SFI1: variants seen among roughly 807,000 people sequenced by gnomAD.
SFI1 encodes the protein SFI1 centrin binding protein.
A neutral mutation model predicts 207.5 loss-of-function variants in SFI1; 195 were observed. The observed-to-expected ratio is 0.94, with a 90% CI of 0.84 to 1.06. SFI1 has a LOEUF of 1.06. Ranked by LOEUF, SFI1 falls within the 50% of genes least tolerant of loss-of-function variation. The pLI is 0.00. For synonymous variants in SFI1, 630 were observed against 598.9 expected (o/e 1.05, Z -0.76); for missense variants, 1,634 against 1,588.0 (o/e 1.03, Z -0.49).
chr22:31,613,433 A>C lies in SFI1; in HGVS notation c.2645A>C (p.Gln882Pro). ...CTGCAGTGGGCGCTCCAGGCCTACCAGGGGCAGCTCCTCCAGGAGGGTGCC... is the reference window on the plus strand; with the variant it reads ...CTGCAGTGGGCGCTCCAGGCCTACCCGGGGCAGCTCCTCCAGGAGGGTGCC... ...ARLQWALQAY[Q>P]GQLLQEGATR... The change falls in exon 26 of 33, where the codon CAG becomes CCG. Residue 882 changes from glutamine to proline, a missense_variant. Coordinates refer to ENST00000400288, the MANE Select transcript of SFI1 (RefSeq NM_001007467.3). 1 of 1,609,350 alleles carries C rather than the reference A, an allele frequency of 6.2e-7. No individual in the cohort carries two copies. The highest frequency in any genetic ancestry group is 1.1e-5 in the South Asian group (1 of 91,054).
intron 15 of SFI1, 21 bp downstream of exon 15, chr22:31,589,598 C>A: frequency 1.9e-6 from 3 of 1,602,872 alleles, no homozygotes; most frequent in Non-Finnish European, 2.6e-6. Flanking sequence ...CAGCTCCTGT[C>A]TGCACTGGGG....
chr22:31,590,986 T>G (rs1198013387), intron 15 of SFI1, among the ~76,000 whole-genome samples: 26 of 151,146 alleles, frequency 1.7e-4, no homozygotes, highest in African/African-American at 6.1e-4. Context: ...TTTATTTTTT[T>G]ATTGATAATT....
rs546870053 is a variant in SFI1, at chr22:31,614,101, C to T, written c.2996+246C>T. On this transcript the variant is annotated intron_variant, in intron 27 of 32. Transcript: ENST00000400288. ...CCAAAGCTCAGGAAATAGGTGTCCC[C>T]TCCTCTGCAACACCTTCCTACCCTC... The T allele has an allele frequency of 2.3e-5, 12 of 522,640 alleles. No homozygotes were observed. The South Asian group carries it at 3.8e-4, about 17-fold the overall frequency. 32.4% of individuals were successfully genotyped at this position (522,640 alleles called of 1,614,324 possible).
chr22:31,502,593 T>C (rs1045746794), intron 1 of SFI1, among the ~76,000 whole-genome samples: 2 of 152,000 alleles, frequency 1.3e-5, no homozygotes, highest in African/African-American at 2.4e-5. Flanking sequence ...AGGCTGGTCT[T>C]GAACTCCTGA....
chr22:31,617,888 C>T (rs1445498551), intron 31 of SFI1, among the ~76,000 whole-genome samples: 2 of 152,102 alleles, frequency 1.3e-5, no homozygotes, highest in Non-Finnish European at 1.5e-5. Flanking sequence ...CTTGCCCAGG[C>T]CCACCTGAGT....
chr22:31,603,846 C>T (rs764237079), intron 18 of SFI1, 27 bp downstream of exon 18: 5 of 1,571,044 alleles, frequency 3.2e-6, no homozygotes, highest in South Asian at 2.4e-5. Flanking sequence ...AGGTGCCACC[C>T]GTGTATGACT....
chr22:31,594,705 A>C (rs1411398888), intron 15 of SFI1, among the ~76,000 whole-genome samples: 1 of 151,078 alleles, frequency 6.6e-6, no homozygotes, highest in African/African-American at 2.4e-5. Flanking sequence ...AATACAAAAA[A>C]TTAGCCGGGC....
chr22:31,606,206 A>G (rs1184422732), intron 20 of SFI1, 122 bp from the exon 21 acceptor site: 1 of 813,448 alleles, frequency 1.2e-6, no homozygotes, highest in Non-Finnish European at 2.0e-6. Context: ...GGTGAAACAG[A>G]CATTCTTAGG....
At chr22:31,501,586 G>T (rs1356964765) in intron 1 of SFI1, among the ~76,000 whole-genome samples, 1 of 152,110 alleles carries the variant, frequency 6.6e-6, no homozygotes, top group Non-Finnish European at 1.5e-5. Flanking sequence ...TCCCAGTTCC[G>T]CCACTTGTTA....
chr22:31,582,226 A>ATT (rs1569377252), intron 12 of SFI1, among the ~76,000 whole-genome samples: 1 of 34,274 alleles, frequency 2.9e-5, no homozygotes. Context: ...ATATATATAT[A>ATT]TATATATATA....
In SFI1 at chr22:31,602,253, A is replaced by T. The variant is rs764047740; in HGVS notation, c.1586A>T (p.Lys529Met). Reference protein sequence around the residue: ...EKQVFSLWRQKMFQHRENRLA... With the variant: ...EKQVFSLWRQMMFQHRENRLA... ...CAAGTATTTTCTCTCTGGAGGCAGA[A>T]GATGTTTCAGCATCGAGAAAACCGC... is the stretch of plus-strand genomic sequence containing the variant. Residue 529 changes from lysine (K) to methionine (M), a missense_variant, in exon 16 of 33, where the codon AAG becomes ATG. Coordinates refer to ENST00000400288, the MANE Select transcript of SFI1 (RefSeq NM_001007467.3). 5.0e-6 allele frequency: 8 copies of T among 1,614,054 alleles called. No individual in the cohort carries two copies. Among genetic ancestry groups the T allele is most frequent in the Middle Eastern group, 1.6e-4 (1 of 6,078 alleles).
chr22:31,574,053 G>A (rs76771069), intron 9 of SFI1, among the ~76,000 whole-genome samples: 4 of 152,120 alleles, frequency 2.6e-5, no homozygotes, highest in Non-Finnish European at 5.9e-5. Flanking sequence ...ATATGGTTTT[G>A]TTTCCCAATT....
upstream of SFI1, chr22:31,496,388 CTGCAAAGCA>C (rs1285751634): frequency 6.6e-6 from 1 of 152,358 alleles, no homozygotes; most frequent in African/African-American, 2.4e-5. Context: ...ATTGCTGCTG[CTGCAAAGCA>C]ACCCGAAGTG....
At chr22:31,606,837 A>C (rs1043303528) in intron 21 of SFI1, 2 of 162,976 alleles carry the variant, frequency 1.2e-5, no homozygotes, top group Non-Finnish European at 2.7e-5. Context: ...AGCTGGGACT[A>C]CAGGCTTGCG....
intron 4 of SFI1, among the ~76,000 whole-genome samples, chr22:31,545,886 T>C (rs1243138119): frequency 6.8e-6 from 1 of 147,336 alleles, no homozygotes; most frequent in African/African-American, 2.5e-5. Flanking sequence ...GCTTTTTTTT[T>C]TTTTTTTTTT....
intron 8 of SFI1, among the ~76,000 whole-genome samples, chr22:31,563,411 AGACT>A (rs2061932706): frequency 6.6e-6 from 1 of 152,196 alleles, no homozygotes. Context: ...CTAAACTTAT[AGACT>A]GACTGTGAAT....
intron 31 of SFI1, 70 bp from the exon 32 acceptor site, chr22:31,618,045 C>T (rs925216133): frequency 6.7e-7 from 1 of 1,489,236 alleles, no homozygotes; most frequent in African/African-American, 1.4e-5. Flanking sequence ...GCTGAGGTGC[C>T]TCTCCCTGAG....
At chr22:31,577,532 G>A (rs1215405878) in intron 10 of SFI1, among the ~76,000 whole-genome samples, 7 of 152,084 alleles carry the variant, frequency 4.6e-5, no homozygotes, top group Admixed American at 3.9e-4. Flanking sequence ...CTCAGCCTAC[G>A]AAGTAGGTGA....
In SFI1 at chr22:31,585,303, T is replaced by C. The variant is rs184102643; in HGVS notation, c.1413+169T>C. ...TTTCTTCCAGTTCCCACCTCTAATA[T>C]CAGAAAGTCTGCATAACTCCCATTT... On this transcript the variant is annotated intron_variant, in intron 14 of 32. Coordinates refer to ENST00000400288, the MANE Select transcript of SFI1 (RefSeq NM_001007467.3). 1.8e-3 allele frequency among the ~76,000 whole-genome samples: 281 copies of C among 152,322 alleles called. 1 individual carries two copies. Among genetic ancestry groups the C allele is most frequent in the Non-Finnish European group, 3.3e-3 (224 of 68,022 alleles).
Sources: gnomAD v4.1 joint callset for allele counts (sites outside exome capture counted in the v4.1 genomes callset) on GRCh38, gnomAD v4.1.1 for gene constraint, MANE v1.5 for transcripts, NCBI Gene and HGNC (gene_info 2026-07-23, HGNC 2026-07-21) for gene names.